Variants in LDAH observed in about 807,000 individuals in gnomAD.
LDAH encodes lipid droplet associated hydrolase.
LDAH carries 26 observed loss-of-function variants against 29.6 expected under a neutral mutation model. The observed-to-expected ratio is 0.88, with a 90% CI of 0.64 to 1.22. The LOEUF is 1.22. Among genes scored for constraint, LDAH ranks in the 50% most tolerant of loss-of-function variants. LDAH has a pLI of 0.00. For synonymous variants in LDAH, 117 were observed against 133.0 expected, an observed-to-expected ratio of 0.88 and a Z score of 0.83; for missense variants, 344 against 387.3, an observed-to-expected ratio of 0.89 and a Z score of 0.94.
intron 4 of LDAH, among the ~76,000 whole-genome samples, chr2:20,769,786 C>A (rs1373739554): frequency 6.6e-6 from 1 of 152,140 alleles, no homozygotes; most frequent in Admixed American, 6.5e-5. Flanking sequence ...AATGTCCACA[C>A]ATTTAATGCT....
intron 4 of LDAH, among the ~76,000 whole-genome samples, chr2:20,751,462 G>C (rs1667967045): frequency 6.6e-6 from 1 of 152,128 alleles, no homozygotes; most frequent in African/African-American, 2.4e-5. Context: ...ATTGCTACAA[G>C]CCAATGAGGA....
chr2:20,773,649 CAAT>C (rs972683636), intron 4 of LDAH, among the ~76,000 whole-genome samples: 7 of 152,028 alleles, frequency 4.6e-5, no homozygotes, highest in Non-Finnish European at 1.0e-4. Flanking sequence ...TTCTTATACC[CAAT>C]AATAATTTAA....
At chr2:20,781,340 T>C (rs1271780440) in intron 3 of LDAH, among the ~76,000 whole-genome samples, 2 of 152,206 alleles carry the variant, frequency 1.3e-5, no homozygotes, top group African/African-American at 4.8e-5. Flanking sequence ...TAGAATATTA[T>C]TTCCAACTGT....
intron 2 of LDAH, among the ~76,000 whole-genome samples, chr2:20,796,576 T>G (rs1344194898): frequency 6.6e-6 from 1 of 152,198 alleles, no homozygotes; most frequent in East Asian, 1.9e-4. Context: ...AATTCATTAT[T>G]ATGATGAAAT....
chr2:20,770,485 G>A (rs150950881), intron 4 of LDAH, among the ~76,000 whole-genome samples: 1,704 of 152,206 alleles, frequency 0.011, 21 homozygotes, highest in South Asian at 0.063. Flanking sequence ...TCCCAAACTT[G>A]AACTTTATGA....
At position 20,686,782 on chromosome 2, in the gene LDAH, A is replaced by G. The variant is rs1662590702; in HGVS notation, c.*121T>C. On this transcript the variant is annotated 3_prime_UTR_variant, in exon 7 of 7. Coordinates refer to ENST00000237822, the MANE Select transcript of LDAH (RefSeq NM_021925.4). ...GGCGAGCGGAGAGTTGGTTTGTAAG[A>G]CAAAGGTTCTCACTTTCTTCATTTC... is the stretch of plus-strand genomic sequence containing the variant. The G allele has an allele frequency of 8.7e-6, 8 of 914,374 alleles. No individual in the cohort carries two copies. The South Asian group carries it at 1.4e-4, about 16-fold the overall frequency. The allele number at this position is 914,374 out of a possible 1,614,324, so 56.6% of individuals were successfully genotyped here.
At chr2:20,701,395 T>A (rs1376194401) in intron 6 of LDAH, among the ~76,000 whole-genome samples, 175 bp downstream of exon 6, 1 of 152,164 alleles carries the variant, frequency 6.6e-6, no homozygotes, top group Non-Finnish European at 1.5e-5. Flanking sequence ...TGCAATTAGC[T>A]TTACTACTCT....
intron 1 of LDAH, among the ~76,000 whole-genome samples, chr2:20,812,288 T>G (rs1672551057): frequency 6.6e-6 from 1 of 152,220 alleles, no homozygotes; most frequent in Admixed American, 6.5e-5. Context: ...ATGGGAACCT[T>G]TTCCTCTCCT....
chr2:20,702,602 A>G (rs574112270), intron 5 of LDAH, among the ~76,000 whole-genome samples: 4 of 152,268 alleles, frequency 2.6e-5, no homozygotes, highest in Non-Finnish European at 4.4e-5. Context: ...CTCCCCACCC[A>G]GGATTTAACA....
chr2:20,767,384 T>C (rs924063941), intron 4 of LDAH, among the ~76,000 whole-genome samples: 4 of 152,130 alleles, frequency 2.6e-5, no homozygotes, highest in Non-Finnish European at 5.9e-5. Flanking sequence ...TGGAGTAGGG[T>C]TGGGGCCAAG....
chr2:20,779,216 C>T (rs573568999), intron 3 of LDAH, among the ~76,000 whole-genome samples: 1 of 152,232 alleles, frequency 6.6e-6, no homozygotes, highest in African/African-American at 2.4e-5. Context: ...AATAATATTT[C>T]ATATTTTAAA....
At chr2:20,731,243 G>A (rs1666380785) in intron 5 of LDAH, among the ~76,000 whole-genome samples, 1 of 152,128 alleles carries the variant, frequency 6.6e-6, no homozygotes, top group Non-Finnish European at 1.5e-5. Flanking sequence ...ACTGAATCAT[G>A]GGGATGGTTT....
intron 4 of LDAH, among the ~76,000 whole-genome samples, chr2:20,752,582 T>C (rs996289988): frequency 6.6e-6 from 1 of 152,166 alleles, no homozygotes; most frequent in Non-Finnish European, 1.5e-5. Flanking sequence ...TCAGTATCAC[T>C]GAACAAGACA....
At chr2:20,740,279 T>C (rs564310164) in intron 4 of LDAH, 74 bp from the exon 5 acceptor site, 375 of 975,710 alleles carry the variant, frequency 3.8e-4, no homozygotes, top group Admixed American at 1.3e-3. Context: ...CTCTTCTATA[T>C]AGTAATGACA....
At chr2:20,807,293 A>C (rs1349196093) in intron 1 of LDAH, among the ~76,000 whole-genome samples, 1 of 152,108 alleles carries the variant, frequency 6.6e-6, no homozygotes, top group Non-Finnish European at 1.5e-5. Flanking sequence ...ATTAACACCT[A>C]AGGAAGGAAT....
At position 20,694,252 on chromosome 2, in the gene LDAH, T is replaced by A. The variant is rs184347965; in HGVS notation, c.787-7158A>T. ...TTAGGTCCTCCAATGCATGCCCATT[T>A]CTGGGGAGAGTCCAGACAGTCTGGA... is the stretch of plus-strand genomic sequence containing the variant. On this transcript the variant is annotated intron_variant, in intron 6 of 6. Coordinates refer to ENST00000237822, the MANE Select transcript of LDAH (RefSeq NM_021925.4). Among the ~76,000 whole-genome samples, 292 of 152,356 alleles carry A rather than the reference T, an allele frequency of 1.9e-3. 1 individual carries two copies. The highest frequency in any genetic ancestry group is 5.4e-3 in the African/African-American group (224 of 41,592).
chr2:20,732,683 C>T (rs1653703663), intron 5 of LDAH, among the ~76,000 whole-genome samples: 1 of 152,180 alleles, frequency 6.6e-6, no homozygotes, highest in Admixed American at 6.5e-5. Flanking sequence ...GAGTTGTTCA[C>T]AGTAGCCTTT....
intron 2 of LDAH, among the ~76,000 whole-genome samples, chr2:20,792,317 G>A (rs756275727): frequency 2.7e-4 from 41 of 151,920 alleles, no homozygotes; most frequent in Non-Finnish European, 3.8e-4. Context: ...GCAGTGTTTA[G>A]GTGCTTTACA....
At chr2:20,754,586 T>C (rs1164241799) in intron 4 of LDAH, among the ~76,000 whole-genome samples, 2 of 151,496 alleles carry the variant, frequency 1.3e-5, no homozygotes, top group Admixed American at 6.6e-5. Flanking sequence ...GATTAGGTGA[T>C]TGAAATTAAT....
Sources: gnomAD v4.1 joint callset for allele counts (sites outside exome capture counted in the v4.1 genomes callset) on GRCh38, gnomAD v4.1.1 for gene constraint, MANE v1.5 for transcripts, NCBI Gene and HGNC (gene_info 2026-07-23, HGNC 2026-07-21) for gene names.